Variants in PCDHGB5 observed in about 807,000 individuals in gnomAD.
The protein encoded by PCDHGB5 is protocadherin gamma subfamily B, 5, also known as protocadherin gamma-B5.
PCDHGB5 carries 48 observed loss-of-function variants against 62.9 expected under a neutral mutation model. That is an observed-to-expected ratio of 0.76 (90% CI 0.61 to 0.97). The LOEUF is 0.97. PCDHGB5 is among the 50% of genes least tolerant of loss of function. The pLI, the probability that PCDHGB5 is intolerant of heterozygous loss-of-function variation, is 0.00. For synonymous variants in PCDHGB5, 474 were observed against 511.2 expected, an observed-to-expected ratio of 0.93 and a Z score of 0.98; for missense variants, 1,118 against 1,198.6, an observed-to-expected ratio of 0.93 and a Z score of 0.99.
In PCDHGB5 at chr5:141,432,827, A is replaced by G. The variant is rs758445645; in HGVS notation, c.2397+32303A>G. ...AGCTAACTCTGAAACCTCAGACCTC[A>G]CTCTGTACCTGGTGGTAGCGGTGGC... On this transcript the variant is annotated intron_variant, in intron 1 of 3. Transcript: ENST00000617380. The surrounding 1 kb of genome is among the most constrained non-coding windows in gnomAD (Gnocchi z 6.0). 9 of 1,613,142 alleles carry G rather than the reference A, an allele frequency of 5.6e-6. No individual in the cohort carries two copies. Among genetic ancestry groups the G allele is most frequent in the Admixed American group, 1.7e-5 (1 of 59,958 alleles).
chr5:141,467,625 T>C (rs1407031447), intron 1 of PCDHGB5, among the ~76,000 whole-genome samples: 1 of 152,202 alleles, frequency 6.6e-6, no homozygotes, highest in African/African-American at 2.4e-5. Flanking sequence ...TGATTTGAGA[T>C]AGCATCTTTA....
At chr5:141,478,506 ATAGGCAGGTGTTGGG>A in intron 1 of PCDHGB5, 1 of 1,612,314 alleles carries the variant, frequency 6.2e-7, no homozygotes, top group Non-Finnish European at 8.5e-7. Context: ...CCGGTGTTCT[ATAGGCAGGTGTTGGG>A]TGCAGAGAGC....
intron 1 of PCDHGB5, among the ~76,000 whole-genome samples, chr5:141,453,061 T>G (rs1351911724): frequency 6.6e-6 from 1 of 152,102 alleles, no homozygotes; most frequent in Non-Finnish European, 1.5e-5. Context: ...AGTTTTAGAG[T>G]TTTGCCACAC....
intron 1 of PCDHGB5, chr5:141,471,546 G>T (rs1271594387): frequency 6.6e-6 from 1 of 152,202 alleles, no homozygotes; most frequent in African/African-American, 2.4e-5. Flanking sequence ...AGCATTTAAG[G>T]TTGCTTTGAC....
intron 1 of PCDHGB5, chr5:141,423,165 C>T (rs1307049367): frequency 6.8e-6 from 11 of 1,613,434 alleles, no homozygotes; most frequent in Admixed American, 3.3e-5. Context: ...TCGTGGTGGC[C>T]GTCCAGGACC....
At chr5:141,421,225 G>A in intron 1 of PCDHGB5, 1 of 1,584,302 alleles carries the variant, frequency 6.3e-7, no homozygotes. Flanking sequence ...CTTAGAGCCT[G>A]CCATGGCGAA....
At chr5:141,438,631 TATATACACAC>T (rs1330021858) in intron 1 of PCDHGB5, among the ~76,000 whole-genome samples, 2,835 of 42,824 alleles carry the variant, frequency 0.066, 23 homozygotes, top group African/African-American at 0.13. Flanking sequence ...TATATATATA[TATATACACAC>T]ACACACACAC....
At chr5:141,461,185 C>T (rs2154567265) in intron 1 of PCDHGB5, among the ~76,000 whole-genome samples, 1 of 152,134 alleles carries the variant, frequency 6.6e-6, no homozygotes, top group East Asian at 1.9e-4. Context: ...AATGGTAGAT[C>T]TGTTTTTTGC....
chr5:141,413,909 T>A (rs772084941), intron 1 of PCDHGB5: 1 of 1,613,316 alleles, frequency 6.2e-7, no homozygotes. Flanking sequence ...AACGCGCCGG[T>A]CTTCACCTTG....
chr5:141,430,805 C>T (rs1445689047), intron 1 of PCDHGB5: 2 of 1,525,722 alleles, frequency 1.3e-6, no homozygotes, highest in Admixed American at 2.3e-5. Flanking sequence ...GCTTGTCCTG[C>T]TGGGAATCCT....
At chr5:141,482,841 G>A (rs1401298303) in intron 1 of PCDHGB5, among the ~76,000 whole-genome samples, 1 of 139,444 alleles carries the variant, frequency 7.2e-6, no homozygotes, top group Non-Finnish European at 1.5e-5. Flanking sequence ...GGAGGCCAAG[G>A]TGGGCAGATC....
At chr5:141,415,392 G>T in intron 1 of PCDHGB5, 1 of 1,614,238 alleles carries the variant, frequency 6.2e-7, no homozygotes, top group Non-Finnish European at 8.5e-7. Context: ...TGACAGGTGT[G>T]TCCGGCTCGC....
intron 1 of PCDHGB5, among the ~76,000 whole-genome samples, chr5:141,472,015 T>C (rs2099269555): frequency 6.6e-6 from 1 of 152,164 alleles, no homozygotes; most frequent in African/African-American, 2.4e-5. Flanking sequence ...AGGGGCACTA[T>C]ATTGTATGTA....
chr5:141,424,799 A>G (rs552155487), intron 1 of PCDHGB5: 90 of 152,274 alleles, frequency 5.9e-4, no homozygotes, highest in African/African-American at 2.1e-3. Context: ...ATTCAGACCA[A>G]CTTGTTATTG....
rs1461617825 is a variant in PCDHGB5, at chr5:141,431,902, G to A, written c.2397+31378G>A. On this transcript the variant is annotated intron_variant, in intron 1 of 3. Coordinates refer to ENST00000617380, the MANE Select transcript of PCDHGB5 (RefSeq NM_018925.3). This position sits in a 1 kb window ranked among gnomAD's most constrained non-coding sequence, Gnocchi z 4.8. ...ACCAAGATTCTGAGGAAAACGGACA[G>A]GTGATCTGTTTCATCCAAGGAAATC... 1.2e-6 allele frequency: 2 copies of A among 1,613,764 alleles called. No homozygotes were observed. The highest frequency in any genetic ancestry group is 1.3e-5 in the African/African-American group (1 of 74,918).
intron 1 of PCDHGB5, among the ~76,000 whole-genome samples, chr5:141,448,809 A>G (rs998129053): frequency 9.2e-5 from 14 of 151,812 alleles, no homozygotes; most frequent in Non-Finnish European, 1.8e-4. Flanking sequence ...GCCAGGCGTG[A>G]TGGCGGGCGC....
At position 141,493,512 on chromosome 5, in the gene PCDHGB5, C is replaced by A. The variant is rs1327850681; in HGVS notation, c.2398-1295C>A. The stretch of plus-strand genomic sequence containing the variant: ...CTGTGGCTCCTCATTTCTGAGCAGT[C>A]CCCGCAGCGCAAACTTGGCCAGTTA... On this transcript the variant is annotated intron_variant, in intron 1 of 3. Transcript: ENST00000617380. The surrounding 1 kb of genome is among the most constrained non-coding windows in gnomAD (Gnocchi z 4.3). Among the ~76,000 whole-genome samples the A allele has an allele frequency of 1.3e-5, 2 of 152,148 alleles. No individual in the cohort carries two copies. Among genetic ancestry groups the A allele is most frequent in the South Asian group, 4.1e-4 (2 of 4,824 alleles).
chr5:141,432,053 C>T lies in PCDHGB5; in HGVS notation c.2397+31529C>T. The T allele has an allele frequency of 6.2e-7, 1 of 1,614,240 alleles. No homozygotes were observed. Among genetic ancestry groups the T allele is most frequent in the South Asian group, 1.1e-5 (1 of 91,082 alleles). ...CGCCACTGACCGGGGAACCCCGCCC[C>T]TATCCACGGAAACTCATATCTCGCT... On this transcript the variant is annotated intron_variant, in intron 1 of 3. Transcript: ENST00000617380. The surrounding 1 kb of genome is among the most constrained non-coding windows in gnomAD (Gnocchi z 6.0).
intron 1 of PCDHGB5, chr5:141,423,658 CA>C: frequency 6.4e-7 from 1 of 1,571,150 alleles, no homozygotes; most frequent in Non-Finnish European, 8.6e-7. Flanking sequence ...GACAAGTAAT[CA>C]GGTGAGATTT....
Sources: allele counts gnomAD v4.1 joint callset (sites outside exome capture counted in the v4.1 genomes callset), GRCh38; gene constraint gnomAD v4.1.1; non-coding constraint Gnocchi (gnomAD v3.1); transcripts MANE v1.5; gene names NCBI Gene and HGNC (gene_info 2026-07-23, HGNC 2026-07-21).